Variants in MBD5 observed in about 807,000 individuals in gnomAD.
The protein encoded by MBD5 is methyl-CpG-binding domain protein 5.
MBD5 carries 13 observed loss-of-function variants against 117.3 expected under a neutral mutation model. The ratio of observed to expected loss-of-function variants is 0.11; its 90% confidence interval spans 0.07 to 0.18. The LOEUF (loss-of-function observed/expected upper bound fraction) is 0.18, where lower values mean the gene tolerates loss of function less well. Among genes scored for constraint, MBD5 ranks in the 10% least tolerant of loss-of-function variants. The pLI is 1.00. For synonymous variants in MBD5, 727 were observed against 766.4 expected, an observed-to-expected ratio of 0.95 and a Z score of 0.85; for missense variants, 1,879 against 2,093.8, an observed-to-expected ratio of 0.90 and a Z score of 2.00.
chr2:148,364,206 A>G (rs553219246), intron 4 of MBD5, among the ~76,000 whole-genome samples: 1 of 152,340 alleles, frequency 6.6e-6, no homozygotes, highest in East Asian at 1.9e-4. Context: ...TCTTAAAGAA[A>G]AGAATTTTCA....
intron 3 of MBD5, chr2:148,296,115 T>C (rs1701639588): frequency 5.3e-6 from 1 of 189,058 alleles, no homozygotes; most frequent in Non-Finnish European, 1.2e-5. Context: ...ATACATCTGG[T>C]TTCATTAGTT....
intron 3 of MBD5, among the ~76,000 whole-genome samples, chr2:148,304,146 T>C (rs894581120): frequency 2.6e-5 from 4 of 152,210 alleles, no homozygotes; most frequent in African/African-American, 9.6e-5. Context: ...GTAGTAATAA[T>C]AATAATAGCA....
chr2:148,317,940 T>C (rs13390004), intron 3 of MBD5, among the ~76,000 whole-genome samples: 30,865 of 152,166 alleles, frequency 0.2, 3,267 homozygotes, highest in African/African-American at 0.21. Context: ...TTTTTTGATA[T>C]AATGATTTCT....
At chr2:148,390,121 T>G (rs1012117372) in intron 4 of MBD5, among the ~76,000 whole-genome samples, 8 of 152,148 alleles carry the variant, frequency 5.3e-5, no homozygotes, top group Admixed American at 4.6e-4. Context: ...GAAGTCCAGT[T>G]TCATTCTTCA....
chr2:148,423,445 G>A (rs983011113), intron 4 of MBD5, among the ~76,000 whole-genome samples: 10 of 151,684 alleles, frequency 6.6e-5, no homozygotes, highest in South Asian at 2.1e-4. Flanking sequence ...ATATCCAGCC[G>A]AACTAAGCTT....
chr2:148,209,840 A>C lies in MBD5; in HGVS notation c.-830-23405A>C, dbSNP rs577505306. Reference sequence around the variant, plus strand: ...ACAACCATATTTCACATGAACTCAGAGTGAGAACTCACTTGTCACCAGGGG... The same window carrying C: ...ACAACCATATTTCACATGAACTCAGCGTGAGAACTCACTTGTCACCAGGGG... On this transcript the variant is annotated intron_variant, in intron 2 of 13. Transcript: ENST00000642680. Among the ~76,000 whole-genome samples, 4 of 152,224 alleles carry C rather than the reference A, an allele frequency of 2.6e-5. No homozygotes were observed. In the South Asian group the frequency reaches 8.3e-4, roughly 32 times the overall value.
At chr2:148,042,853 A>G (rs1261829562) in intron 1 of MBD5, among the ~76,000 whole-genome samples, 3 of 152,206 alleles carry the variant, frequency 2.0e-5, no homozygotes, top group Admixed American at 6.5e-5. Context: ...TCGATCTGGT[A>G]GCTAGTCAGG....
intron 4 of MBD5, among the ~76,000 whole-genome samples, chr2:148,423,579 C>G (rs758383253): frequency 1.3e-5 from 2 of 152,098 alleles, no homozygotes; most frequent in Admixed American, 1.3e-4. Flanking sequence ...AGAACCGATA[C>G]CAGCCACTGC....
At chr2:148,122,324 T>C (rs1170226123) in intron 1 of MBD5, among the ~76,000 whole-genome samples, 1 of 152,188 alleles carries the variant, frequency 6.6e-6, no homozygotes. Context: ...AATACCTGAT[T>C]ATAGAGATTT....
chr2:148,487,167 A>G (rs1262535541), intron 10 of MBD5, among the ~76,000 whole-genome samples: 2 of 152,246 alleles, frequency 1.3e-5, no homozygotes, highest in African/African-American at 4.8e-5. Context: ...CCAGTGCTAT[A>G]GTATTGCAGA....
intron 4 of MBD5, among the ~76,000 whole-genome samples, chr2:148,390,422 T>C (rs1435813805): frequency 6.6e-6 from 1 of 150,862 alleles, no homozygotes; most frequent in Admixed American, 6.6e-5. Flanking sequence ...CAGTCTATAA[T>C]AATTATATAT....
chr2:148,375,123 C>A lies in MBD5; in HGVS notation c.-557+32787C>A, dbSNP rs556066278. ...GTCATCAATGAAAATACAGTAAGCA[C>A]CAGATTCAAAACTTTATGGTTTCAT... On this transcript the variant is annotated intron_variant, in intron 4 of 13. Coordinates refer to ENST00000642680, the MANE Select transcript of MBD5 (RefSeq NM_001378120.1). Among the ~76,000 whole-genome samples the A allele has an allele frequency of 7.9e-5, 12 of 152,264 alleles. No individual in the cohort carries two copies. The South Asian group carries it at 2.5e-3, about 32-fold the overall frequency.
intron 4 of MBD5, among the ~76,000 whole-genome samples, chr2:148,376,833 A>AT (rs1704004214): frequency 1.3e-5 from 1 of 79,568 alleles, no homozygotes; most frequent in African/African-American, 4.8e-5. Flanking sequence ...AATATATATA[A>AT]CATATATATA....
chr2:148,094,443 A>C (rs1696012044), intron 1 of MBD5, among the ~76,000 whole-genome samples: 2 of 152,150 alleles, frequency 1.3e-5, no homozygotes, highest in Non-Finnish European at 2.9e-5. Context: ...TTCCCTCTGC[A>C]TGTTATTACT....
chr2:148,510,975 A>C (rs1682196405), intron 13 of MBD5, among the ~76,000 whole-genome samples: 2 of 152,164 alleles, frequency 1.3e-5, no homozygotes, highest in African/African-American at 4.8e-5. Flanking sequence ...CAGCAGTTGG[A>C]ATGGATGAGA....
intron 12 of MBD5, among the ~76,000 whole-genome samples, chr2:148,506,122 T>G (rs1638889586): frequency 6.6e-6 from 1 of 152,252 alleles, no homozygotes; most frequent in South Asian, 2.1e-4. Flanking sequence ...ATAGTCATTT[T>G]AATCCTCAGT....
intron 1 of MBD5, among the ~76,000 whole-genome samples, chr2:148,083,631 T>A (rs1000768631): frequency 4.6e-5 from 7 of 151,904 alleles, no homozygotes; most frequent in Admixed American, 4.6e-4. Flanking sequence ...TTTTATTTTA[T>A]TTTATTTTAT....
In MBD5 at chr2:148,120,062, G is replaced by A. The variant is rs143353911; in HGVS notation, c.-924-58638G>A. Among the ~76,000 whole-genome samples the A allele has an allele frequency of 4.1e-3, 621 of 152,038 alleles. 4 individuals carry two copies. Among genetic ancestry groups the A allele is most frequent in the African/African-American group, 0.014 (592 of 41,470 alleles). The stretch of plus-strand genomic sequence containing the variant: ...CCCCTAAGTATCTGGGACTACAGGC[G>A]CACGCCACCATGCCTGGCTAATTTT... On this transcript the variant is annotated intron_variant, in intron 1 of 13. Coordinates refer to ENST00000642680, the MANE Select transcript of MBD5 (RefSeq NM_001378120.1).
chr2:148,444,885 A>G (rs566029992), intron 4 of MBD5, among the ~76,000 whole-genome samples: 1 of 150,954 alleles, frequency 6.6e-6, no homozygotes, highest in Admixed American at 6.6e-5. Context: ...AGTATCCATC[A>G]CAGTGCCTCA....
Sources: gnomAD v4.1 joint callset for allele counts (sites outside exome capture counted in the v4.1 genomes callset) on GRCh38, gnomAD v4.1.1 for gene constraint, MANE v1.5 for transcripts, NCBI Gene and HGNC (gene_info 2026-07-23, HGNC 2026-07-21) for gene names.